UNC13B: variants seen among roughly 807,000 people sequenced by gnomAD.
The protein encoded by UNC13B is protein unc-13 homolog B.
In UNC13B, 144 loss-of-function variants were observed where a neutral mutation model predicts 211.0. The ratio of observed to expected loss-of-function variants is 0.68; its 90% CI spans 0.60 to 0.78. The LOEUF (loss-of-function observed/expected upper bound fraction) is 0.78. Among genes scored for constraint, UNC13B ranks in the 30% least tolerant of loss-of-function variants. The probability of loss-of-function intolerance (pLI) is 0.00; values close to 1 mark genes in which losing one functional copy is unlikely to be tolerated. For synonymous variants in UNC13B, 709 were observed against 725.8 expected (o/e 0.98, Z 0.37); for missense variants, 1,777 against 2,002.0 (o/e 0.89, Z 2.14).
rs554216906 is a variant in UNC13B, at chr9:35,384,922, C to A, written c.10875+608C>A. Reference sequence around the variant, plus strand: ...CTTTAAAGTGTGTGAATTTTCAGAACAGGCAATATATGCACATTAAAAAGT... The same window carrying A: ...CTTTAAAGTGTGTGAATTTTCAGAAAAGGCAATATATGCACATTAAAAAGT... On this transcript the variant is annotated intron_variant, in intron 22 of 39. Transcript: ENST00000635942. 9 of 719,092 alleles carry A rather than the reference C, an allele frequency of 1.3e-5. No homozygotes were observed. In the South Asian group the frequency reaches 4.4e-4, roughly 35 times the overall value. The allele number at this position is 719,092 out of a possible 1,614,324, so 44.5% of individuals were successfully genotyped here.
intron 13 of UNC13B, among the ~76,000 whole-genome samples, chr9:35,374,723 C>G (rs1045131844): frequency 6.6e-6 from 1 of 152,194 alleles, no homozygotes; most frequent in South Asian, 2.1e-4. Flanking sequence ...TCCATAATGG[C>G]TCTTGAATGT....
intron 26 of UNC13B, among the ~76,000 whole-genome samples, chr9:35,391,996 T>G (rs1309900879): frequency 1.3e-5 from 2 of 152,178 alleles, no homozygotes; most frequent in African/African-American, 2.4e-5. Context: ...AACTTCTACT[T>G]TAAGAGAAAG....
intron 1 of UNC13B, among the ~76,000 whole-genome samples, chr9:35,181,094 T>A (rs1821914872): frequency 6.6e-6 from 1 of 152,072 alleles, no homozygotes; most frequent in African/African-American, 2.4e-5. Flanking sequence ...TGAGACGCTG[T>A]TTCAAAAAAC....
intron 11 of UNC13B, chr9:35,352,823 A>G: frequency 8.1e-7 from 1 of 1,232,202 alleles, no homozygotes; most frequent in Non-Finnish European, 1.0e-6. Flanking sequence ...CCTAGTATTA[A>G]TCTCAAAAGA....
At chr9:35,293,338 A>C (rs1390654495) in intron 7 of UNC13B, among the ~76,000 whole-genome samples, 2 of 152,226 alleles carry the variant, frequency 1.3e-5, no homozygotes, top group East Asian at 1.9e-4. Flanking sequence ...TGCAGGGAGA[A>C]AGTAAAACCT....
chr9:35,382,260 C>A, intron 20 of UNC13B, 97 bp from the exon 21 acceptor site: 1 of 1,499,578 alleles, frequency 6.7e-7, no homozygotes, highest in Non-Finnish European at 9.0e-7. Flanking sequence ...ATTGCCCTGG[C>A]TGTGCTTCAT....
At chr9:35,257,983 G>A (rs1238292980) in intron 6 of UNC13B, among the ~76,000 whole-genome samples, 1 of 152,056 alleles carries the variant, frequency 6.6e-6, no homozygotes, top group Non-Finnish European at 1.5e-5. Flanking sequence ...AAACCCTAAA[G>A]GGCTTCTAAG....
chr9:35,250,934 G>GA (rs1307875648), intron 6 of UNC13B, among the ~76,000 whole-genome samples: 2 of 141,008 alleles, frequency 1.4e-5, no homozygotes, highest in Non-Finnish European at 3.1e-5. Context: ...TTTGAAGCAT[G>GA]AAAAAATGTA....
chr9:35,296,609 A>C (rs1322309965), intron 8 of UNC13B, among the ~76,000 whole-genome samples: 1 of 152,184 alleles, frequency 6.6e-6, no homozygotes, highest in Admixed American at 6.5e-5. Context: ...CTAAGATTAA[A>C]AAAAATTTCA....
intron 34 of UNC13B, 24 bp downstream of exon 34, chr9:35,399,308 C>T (rs757930122): frequency 1.2e-6 from 2 of 1,614,166 alleles, no homozygotes; most frequent in Non-Finnish European, 1.7e-6. Flanking sequence ...CTTCCACTTC[C>T]TCCTGCTGTC....
intron 11 of UNC13B, among the ~76,000 whole-genome samples, chr9:35,349,258 C>T (rs528370994): frequency 6.6e-6 from 1 of 151,280 alleles, no homozygotes; most frequent in Non-Finnish European, 1.5e-5. Context: ...GGCCACTTGC[C>T]AGCTGCAGCC....
chr9:35,399,833 A>G lies in UNC13B; in HGVS notation c.12336+104A>G. The G allele has an allele frequency of 1.8e-6, 2 of 1,118,642 alleles. 1 individual carries two copies. The highest frequency in any genetic ancestry group is 2.6e-5 in the South Asian group (2 of 75,530). 69.3% of individuals were successfully genotyped at this position (1,118,642 alleles called of 1,614,324 possible). A position where few individuals can be genotyped will look rare whatever the true frequency, so the allele number is the denominator to read the frequency against. On this transcript the variant is annotated intron_variant, in intron 36 of 39. Coordinates refer to ENST00000635942, the MANE Select transcript of UNC13B (RefSeq NM_001371189.2). ...GTCCCTCCAATTCTTAACACTCCACATCCAGAAGAGAGTTACTATGTACTG... is the reference window on the plus strand; with the variant it reads ...GTCCCTCCAATTCTTAACACTCCACGTCCAGAAGAGAGTTACTATGTACTG...
chr9:35,278,246 T>C (rs1005795912), intron 7 of UNC13B, among the ~76,000 whole-genome samples: 2 of 152,216 alleles, frequency 1.3e-5, no homozygotes, highest in African/African-American at 4.8e-5. Context: ...GCCTTTTCTT[T>C]CTTTTACTCC....
intron 1 of UNC13B, 163 bp from the exon 2 acceptor site, chr9:35,227,850 CTT>C: frequency 1.9e-6 from 1 of 533,544 alleles, no homozygotes; most frequent in South Asian, 3.4e-5. Context: ...TCGTCTGACT[CTT>C]TGCCTTTCAA....
rs769956101 is a variant in UNC13B, at chr9:35,375,175, C to T, written c.9589C>T (p.Arg3197Cys). ...AGGAATCACTTCTGCAATGGCTACA[C>T]GCACTTCTCTTAAGGACGAAGAGCT... ...KAGITSAMAT[R>C]TSLKDEELKS... The change falls in exon 14 of 40, where the codon CGC (arginine) becomes TGC (cysteine). Residue 3197 changes from arginine to cysteine, a missense_variant. By Grantham distance (180) the Arg-to-Cys change is radical. Coordinates refer to ENST00000635942, the MANE Select transcript of UNC13B (RefSeq NM_001371189.2). 8.0e-5 allele frequency: 129 copies of T among 1,614,046 alleles called. No individual in the cohort carries two copies. The highest frequency in any genetic ancestry group is 1.6e-4 in the Middle Eastern group (1 of 6,080).
chr9:35,372,525 C>A (rs1416096418), intron 13 of UNC13B, among the ~76,000 whole-genome samples: 1 of 88,676 alleles, frequency 1.1e-5, no homozygotes, highest in Non-Finnish European at 2.3e-5. Context: ...TACATGGGGC[C>A]CCTGTGCAAG....
intron 6 of UNC13B, among the ~76,000 whole-genome samples, chr9:35,257,370 T>TAAAATATTTATATAAATATTTATA (rs1564097830): frequency 1.6e-5 from 1 of 60,678 alleles, no homozygotes; most frequent in Non-Finnish European, 3.0e-5. Context: ...TAAATATTTA[T>TAAAATATTTATATAAATATTTATA]AAAATATTTA....
Position 35,381,123 on chromosome 9 carries a change from G to T in UNC13B, c.10399G>T (p.Val3467Phe). 2 of 1,614,104 alleles carry T rather than the reference G, an allele frequency of 1.2e-6. No individual in the cohort carries two copies. Among genetic ancestry groups the T allele is most frequent in the Non-Finnish European group, 1.7e-6 (2 of 1,180,000 alleles). ...NLEKRTDKSAVSGAIRLQISV... is the reference protein window; with the variant it reads ...NLEKRTDKSAFSGAIRLQISV... ...AGAGAAGAGGACAGACAAATCAGCC[G>T]TCTCAGGGGCTATCCGACTACAAAT... Residue 3467 changes from valine to phenylalanine, a missense_variant, in exon 19 of 40, where the codon GTC becomes TTC. Transcript: ENST00000635942.
chr9:35,231,809 G>A (rs967512937), intron 3 of UNC13B, among the ~76,000 whole-genome samples: 3 of 151,934 alleles, frequency 2.0e-5, no homozygotes, highest in Non-Finnish European at 4.4e-5. Flanking sequence ...ATTAAACTTT[G>A]GCTTTAAAAA....
Sources: gnomAD v4.1 joint callset for allele counts (sites outside exome capture counted in the v4.1 genomes callset) on GRCh38, gnomAD v4.1.1 for gene constraint, MANE v1.5 for transcripts, NCBI Gene and HGNC (gene_info 2026-07-23, HGNC 2026-07-21) for gene names.